Variants in ATRN observed in about 807,000 individuals in gnomAD.
The protein encoded by ATRN is attractin-2.
Under a neutral mutation model 178.7 loss-of-function variants are expected in ATRN, and 54 were observed. That is an observed-to-expected ratio of 0.30 (90% CI 0.24 to 0.38). The LOEUF (loss-of-function observed/expected upper bound fraction) is 0.38, where lower values mean the gene tolerates loss of function less well. ATRN is among the 10% of genes least tolerant of loss of function. ATRN has a pLI of 1.00. For missense variants in ATRN, 1,443 were observed against 1,815.1 expected, an observed-to-expected ratio of 0.79 and a Z score of 3.73; for synonymous variants, 636 against 663.0, an observed-to-expected ratio of 0.96 and a Z score of 0.63.
At chr20:3,572,670 T>G in intron 11 of ATRN, 61 bp from the exon 12 acceptor site, 1 of 1,374,798 alleles carries the variant, frequency 7.3e-7, no homozygotes, top group Non-Finnish European at 1.0e-6. Flanking sequence ...AAAAAAAAAG[T>G]ATAGCATCCA....
In ATRN at chr20:3,566,904, C is replaced by CAAAA. The variant is rs33920660; in HGVS notation, c.1871+1489_1871+1492dup. ...CCTGGGCGACAGCGAGACTCCATCTCAAAAAAAAAAAAAAAAAAAAGGAAA... is the reference window on the plus strand; with the variant it reads ...CCTGGGCGACAGCGAGACTCCATCTCAAAAAAAAAAAAAAAAAAAAAAAAGGAAA... On this transcript the variant is annotated intron_variant, in intron 11 of 28. Transcript: ENST00000262919. 1.4e-3 allele frequency among the ~76,000 whole-genome samples: 123 copies of CAAAA among 86,134 alleles called. 1 individual carries two copies. The highest frequency in any genetic ancestry group is 2.1e-3 in the Non-Finnish European group (99 of 47,550). The allele number at this position is 86,134 out of a possible 152,430, so 56.5% of individuals were successfully genotyped here. A position where few individuals can be genotyped will look rare whatever the true frequency, so the allele number is the denominator to read the frequency against.
chr20:3,639,281 G>A (rs982088030), intron 27 of ATRN, among the ~76,000 whole-genome samples: 1 of 152,106 alleles, frequency 6.6e-6, no homozygotes, highest in Non-Finnish European at 1.5e-5. Flanking sequence ...TTGAGACAGA[G>A]TCTTACTGTG....
chr20:3,607,227 T>G (rs1373280014), intron 24 of ATRN, among the ~76,000 whole-genome samples: 1 of 152,174 alleles, frequency 6.6e-6, no homozygotes, highest in Non-Finnish European at 1.5e-5. Flanking sequence ...CCTCAAACAT[T>G]TATCATTTCT....
At chr20:3,548,898 G>A (rs1022576712) in intron 5 of ATRN, among the ~76,000 whole-genome samples, 1 of 152,048 alleles carries the variant, frequency 6.6e-6, no homozygotes, top group Non-Finnish European at 1.5e-5. Flanking sequence ...TTATTTATCT[G>A]TGCTTTCTCC....
At chr20:3,535,618 C>T (rs2085519870) in intron 2 of ATRN, among the ~76,000 whole-genome samples, 1 of 145,616 alleles carries the variant, frequency 6.9e-6, no homozygotes, top group South Asian at 2.1e-4. Flanking sequence ...CACACACACA[C>T]ACACACACAT....
chr20:3,566,861 T>A (rs2086042869), intron 11 of ATRN, among the ~76,000 whole-genome samples: 1 of 139,364 alleles, frequency 7.2e-6, no homozygotes. Context: ...GAGCCAAGAT[T>A]ATGCCACTGC....
chr20:3,604,186 A>G lies in ATRN; in HGVS notation c.3725A>G (p.Lys1242Arg), dbSNP rs773948520. 1.2e-6 allele frequency: 2 copies of G among 1,613,426 alleles called. No homozygotes were observed. The highest frequency in any genetic ancestry group is 4.5e-5 in the East Asian group (2 of 44,862). The change falls in exon 24 of 29, where the codon AAG becomes AGG. Residue 1242 changes from lysine to arginine, a missense_variant. Physicochemically the swap from Lys to Arg is conservative, Grantham distance 26. Around this residue, in one of 4 missense-constraint regions of ATRN, gnomAD observed 289 missense variants for 440.8 expected, o/e 0.66. Coordinates refer to ENST00000262919, the MANE Select transcript of ATRN (RefSeq NM_139321.3). ...KEYKDSFSNE[K>R]FDFRNHPNIT... ...TACAAAGATAGTTTCTCTAATGAGA[A>G]GTTTGATTTTCGCAACCACCCAAAT...
At chr20:3,481,837 A>T (rs1448749161) in intron 1 of ATRN, among the ~76,000 whole-genome samples, 4 of 145,748 alleles carry the variant, frequency 2.7e-5, no homozygotes, top group African/African-American at 1.0e-4. Context: ...AAAAGTATAC[A>T]ATTATTAAAT....
chr20:3,507,044 G>A (rs1288939108), intron 1 of ATRN, among the ~76,000 whole-genome samples: 1 of 151,702 alleles, frequency 6.6e-6, no homozygotes, highest in Non-Finnish European at 1.5e-5. Flanking sequence ...GTTTTTGCCG[G>A]GAGGTTTTGT....
chr20:3,557,682 T>A (rs1355378815), intron 6 of ATRN, among the ~76,000 whole-genome samples: 3 of 152,220 alleles, frequency 2.0e-5, no homozygotes, highest in Non-Finnish European at 4.4e-5. Context: ...TGTTATTGAA[T>A]GTAGTGCAAA....
intron 24 of ATRN, among the ~76,000 whole-genome samples, chr20:3,610,686 C>CCTCA: frequency 6.6e-6 from 1 of 150,620 alleles, no homozygotes; most frequent in South Asian, 2.1e-4. Flanking sequence ...GATCCTCCTG[C>CCTCA]CTCAGCCTCC....
chr20:3,569,981 G>A (rs2086096639), intron 11 of ATRN, among the ~76,000 whole-genome samples: 1 of 151,910 alleles, frequency 6.6e-6, no homozygotes, highest in South Asian at 2.1e-4. Context: ...TGAGGTGGGA[G>A]GATTGCTTGA....
intron 1 of ATRN, among the ~76,000 whole-genome samples, chr20:3,521,877 G>A (rs2085301136): frequency 1.3e-5 from 2 of 152,218 alleles, no homozygotes; most frequent in South Asian, 2.1e-4. Flanking sequence ...CTATCTCTGG[G>A]CTCAAATGAT....
chr20:3,533,461 C>T (rs1178487561), intron 1 of ATRN, among the ~76,000 whole-genome samples: 1 of 152,148 alleles, frequency 6.6e-6, no homozygotes, highest in Admixed American at 6.5e-5. Context: ...TCTGGCTAAT[C>T]GAATGTAAGT....
intron 1 of ATRN, among the ~76,000 whole-genome samples, chr20:3,525,831 C>T: frequency 6.6e-6 from 1 of 152,118 alleles, no homozygotes; most frequent in Non-Finnish European, 1.5e-5. Context: ...GCAGAAAAGG[C>T]CTTCAATAAA....
intron 1 of ATRN, among the ~76,000 whole-genome samples, chr20:3,515,731 G>A (rs1415020144): frequency 6.6e-6 from 1 of 152,154 alleles, no homozygotes; most frequent in Non-Finnish European, 1.5e-5. Context: ...TTTTAGAAGA[G>A]AATGCAACAG....
rs2086193175 is a variant in ATRN, at chr20:3,575,296, G to GC, written c.2093-530dup. Among the ~76,000 whole-genome samples, 6 of 152,294 alleles carry GC rather than the reference G, an allele frequency of 3.9e-5. No homozygotes were observed. In the South Asian group the frequency reaches 1.2e-3, roughly 32 times the overall value. On this transcript the variant is annotated intron_variant, in intron 12 of 28. Coordinates refer to ENST00000262919, the MANE Select transcript of ATRN (RefSeq NM_139321.3). ...CTCTTTTCTAGAGTTAACAGGAGAT[G>GC]CGGCAGGTCTGTAGTAGCCCAGAAA...
chr20:3,639,370 A>C (rs2087050025), intron 27 of ATRN, among the ~76,000 whole-genome samples: 1 of 152,078 alleles, frequency 6.6e-6, no homozygotes, highest in Admixed American at 6.5e-5. Context: ...CTCTTGCCCC[A>C]GCCTCCTGAG....
chr20:3,490,462 A>G (rs113300072), intron 1 of ATRN: 21 of 965,428 alleles, frequency 2.2e-5, no homozygotes, highest in African/African-American at 1.8e-4. Flanking sequence ...CAGCATCTCT[A>G]GGTATCTCTT....
Sources: gnomAD v4.1 joint callset for allele counts (sites outside exome capture counted in the v4.1 genomes callset) on GRCh38, gnomAD v4.1.1 for gene constraint, gnomAD v4.1.1 regional missense constraint, MANE v1.5 for transcripts, NCBI Gene and HGNC (gene_info 2026-07-23, HGNC 2026-07-21) for gene names.